The following TAFA1 variants were observed in gnomAD, a reference collection of about 807,000 sequenced individuals.
The protein encoded by TAFA1 is chemokine-like protein TAFA-1.
TAFA1 carries 4 observed loss-of-function variants against 18.5 expected under a neutral mutation model. That is an observed-to-expected ratio of 0.22 (90% CI 0.11 to 0.49). The LOEUF (loss-of-function observed/expected upper bound fraction) is 0.49, where lower values mean the gene tolerates loss of function less well. TAFA1 is among the 20% of genes least tolerant of loss of function. The probability of loss-of-function intolerance (pLI) is 0.98; values close to 1 mark genes in which losing one functional copy is unlikely to be tolerated. For synonymous variants in TAFA1, 56 were observed against 55.2 expected (o/e 1.01, Z -0.06); for missense variants, 147 against 169.0 (o/e 0.87, Z 0.72).
intron 1 of TAFA1, chr3:68,006,373 T>A: frequency 2.2e-6 from 1 of 455,252 alleles, no homozygotes; most frequent in South Asian, 3.0e-5. Context: ...AGCCTAAAAC[T>A]TTATTTTTGC....
intron 2 of TAFA1, among the ~76,000 whole-genome samples, chr3:68,140,036 A>G (rs1292556068): frequency 1.3e-5 from 2 of 152,192 alleles, no homozygotes; most frequent in Non-Finnish European, 1.5e-5. Flanking sequence ...ATGTCACCCA[A>G]GTTGGCTTTC....
At chr3:68,339,705 T>C (rs77004324) in intron 2 of TAFA1, among the ~76,000 whole-genome samples, 2 of 152,216 alleles carry the variant, frequency 1.3e-5, no homozygotes, top group African/African-American at 4.8e-5. Flanking sequence ...ATGTAGATTT[T>C]TGAGGAAAGA....
intron 2 of TAFA1, among the ~76,000 whole-genome samples, chr3:68,300,423 G>A (rs901593487): frequency 2.6e-5 from 4 of 152,106 alleles, no homozygotes; most frequent in Non-Finnish European, 4.4e-5. Flanking sequence ...ACCCAATGCC[G>A]CTACCCCCAT....
chr3:68,172,531 G>A (rs2066069266), intron 2 of TAFA1, among the ~76,000 whole-genome samples: 1 of 152,124 alleles, frequency 6.6e-6, no homozygotes, highest in South Asian at 2.1e-4. Flanking sequence ...ATGTGATCCA[G>A]AGATTCCACT....
chr3:68,054,946 T>C (rs1306660453), intron 2 of TAFA1, among the ~76,000 whole-genome samples: 1 of 152,134 alleles, frequency 6.6e-6, no homozygotes, highest in Non-Finnish European at 1.5e-5. Flanking sequence ...CTTTTATTTA[T>C]TTGGGGTAGA....
intron 2 of TAFA1, among the ~76,000 whole-genome samples, chr3:68,112,976 A>G (rs572411071): frequency 6.6e-6 from 1 of 152,162 alleles, no homozygotes; most frequent in African/African-American, 2.4e-5. Context: ...AAAGCTATCA[A>G]TTATTCTCAA....
chr3:68,367,398 G>A (rs1361951913), intron 2 of TAFA1, among the ~76,000 whole-genome samples: 1 of 152,088 alleles, frequency 6.6e-6, no homozygotes, highest in Non-Finnish European at 1.5e-5. Context: ...AGATTTAATG[G>A]GACAAAAGGA....
chr3:68,426,099 A>C (rs1229147611), intron 3 of TAFA1, among the ~76,000 whole-genome samples: 1 of 141,122 alleles, frequency 7.1e-6, no homozygotes, highest in Non-Finnish European at 1.5e-5. Context: ...AATCAAAGTA[A>C]TATATATAAT....
At chr3:68,030,055 A>G (rs1369317806) in intron 2 of TAFA1, among the ~76,000 whole-genome samples, 5 of 152,192 alleles carry the variant, frequency 3.3e-5, no homozygotes, top group African/African-American at 1.2e-4. Flanking sequence ...CATCTAAATA[A>G]CTTTTCTTCA....
intron 2 of TAFA1, among the ~76,000 whole-genome samples, chr3:68,355,984 A>G (rs1224829958): frequency 1.3e-5 from 2 of 152,018 alleles, no homozygotes; most frequent in African/African-American, 2.4e-5. Flanking sequence ...AAATATTTTA[A>G]AAATTGAAAT....
chr3:68,130,899 C>G (rs1453615930), intron 2 of TAFA1, among the ~76,000 whole-genome samples: 1 of 152,148 alleles, frequency 6.6e-6, no homozygotes, highest in East Asian at 1.9e-4. Context: ...TTATCCTTTT[C>G]TAGCTCATTG....
intron 2 of TAFA1, among the ~76,000 whole-genome samples, chr3:68,204,894 C>T (rs772154491): frequency 5.9e-5 from 9 of 151,810 alleles, no homozygotes; most frequent in African/African-American, 9.7e-5. Context: ...CATTTGGCCT[C>T]CCAGATGTCC....
intron 3 of TAFA1, among the ~76,000 whole-genome samples, chr3:68,496,416 G>T (rs1345223542): frequency 6.6e-6 from 1 of 152,128 alleles, no homozygotes; most frequent in Admixed American, 6.5e-5. Context: ...CCTATGGGCT[G>T]TTTCTTGTCA....
chr3:68,526,334 C>A (rs1031605099), intron 3 of TAFA1, among the ~76,000 whole-genome samples: 1 of 152,078 alleles, frequency 6.6e-6, no homozygotes, highest in African/African-American at 2.4e-5. Flanking sequence ...AAAATGTGTT[C>A]TCTATTTAAA....
At chr3:68,293,054 T>C (rs1031184271) in intron 2 of TAFA1, among the ~76,000 whole-genome samples, 1 of 144,156 alleles carries the variant, frequency 6.9e-6, no homozygotes, top group East Asian at 2.1e-4. Flanking sequence ...AAAAAAAAAA[T>C]GCCTTAGGTT....
At chr3:68,264,451 T>C (rs966608639) in intron 2 of TAFA1, among the ~76,000 whole-genome samples, 3 of 152,126 alleles carry the variant, frequency 2.0e-5, no homozygotes, top group Non-Finnish European at 4.4e-5. Context: ...GTGGTTCTCT[T>C]ATAGTCACTC....
intron 3 of TAFA1, among the ~76,000 whole-genome samples, chr3:68,484,124 TTCAA>T (rs1432421158): frequency 6.6e-6 from 1 of 152,244 alleles, no homozygotes; most frequent in Non-Finnish European, 1.5e-5. Context: ...TTATTGTCAT[TTCAA>T]CATGTAATCA....
chr3:68,322,309 A>G (rs2068707420), intron 2 of TAFA1, among the ~76,000 whole-genome samples: 1 of 152,254 alleles, frequency 6.6e-6, no homozygotes, highest in Admixed American at 6.5e-5. Flanking sequence ...AAGTAAAATT[A>G]ATGCTTCTAT....
At chr3:68,481,229 A>G (rs2072231640) in intron 3 of TAFA1, among the ~76,000 whole-genome samples, 1 of 152,170 alleles carries the variant, frequency 6.6e-6, no homozygotes, top group South Asian at 2.1e-4. Context: ...CAAAGCCATG[A>G]GCTCTTTATT....
Sources: gnomAD v4.1 joint callset for allele counts (sites outside exome capture counted in the v4.1 genomes callset) on GRCh38, gnomAD v4.1.1 for gene constraint, MANE v1.5 for transcripts, NCBI Gene and HGNC (gene_info 2026-07-23, HGNC 2026-07-21) for gene names.